Variants in SGCD observed in about 807,000 individuals in gnomAD.
The protein encoded by SGCD is delta-sarcoglycan.
SGCD carries 18 observed loss-of-function variants against 36.6 expected under a neutral mutation model. That is an observed-to-expected ratio of 0.49 (90% CI 0.34 to 0.73). SGCD has a LOEUF of 0.73. Ranked by LOEUF, SGCD falls within the 30% of genes least tolerant of loss-of-function variation. SGCD has a pLI of 0.01. For synonymous variants in SGCD, 133 were observed against 130.6 expected, an observed-to-expected ratio of 1.02 and a Z score of -0.12; for missense variants, 387 against 346.7, an observed-to-expected ratio of 1.12 and a Z score of -0.92.
intron 3 of SGCD, among the ~76,000 whole-genome samples, chr5:156,291,885 C>CT (rs1766766476): frequency 6.6e-6 from 1 of 152,086 alleles, no homozygotes; most frequent in African/African-American, 2.4e-5. Context: ...CTTGAAATCT[C>CT]TTAGAAATTT....
chr5:156,401,706 C>T (rs183005392), intron 3 of SGCD, among the ~76,000 whole-genome samples: 1 of 152,272 alleles, frequency 6.6e-6, no homozygotes, highest in East Asian at 1.9e-4. Flanking sequence ...ATAGCCCCTA[C>T]AGTCTAGTGA....
intron 1 of SGCD, among the ~76,000 whole-genome samples, chr5:156,095,008 A>C (rs1354309628): frequency 6.6e-6 from 1 of 152,006 alleles, no homozygotes; most frequent in Non-Finnish European, 1.5e-5. Context: ...AAAAAGAAAG[A>C]AAGCAGTCCT....
intron 3 of SGCD, among the ~76,000 whole-genome samples, chr5:156,367,753 T>C (rs558545553): frequency 5.9e-5 from 9 of 152,314 alleles, no homozygotes; most frequent in African/African-American, 1.7e-4. Flanking sequence ...CAGCTGTGGC[T>C]CAGCCTCGCT....
intron 1 of SGCD, among the ~76,000 whole-genome samples, chr5:155,905,731 G>C (rs1389257433): frequency 1.3e-5 from 2 of 152,064 alleles, no homozygotes; most frequent in African/African-American, 4.8e-5. Context: ...TTATTCTCGT[G>C]ATAGTTAATA....
rs182432511 is a variant in SGCD at position 156,442,476 on chromosome 5, T to C, written c.193-66125T>C. Among the ~76,000 whole-genome samples, 91 of 152,326 alleles carry C rather than the reference T, an allele frequency of 6.0e-4. No individual in the cohort carries two copies. The Middle Eastern group carries it at 0.01, about 17-fold the overall frequency. ...TTGGTGGTTGTTAAATTATTTCATT[T>C]TTAAAAAGACAATGCATATATACTG... On this transcript the variant is annotated intron_variant, in intron 3 of 8. Transcript: ENST00000337851.
At chr5:155,854,221 T>G in the SGCD span, among the ~76,000 whole-genome samples, 1 of 152,074 alleles carries the variant, frequency 6.6e-6, no homozygotes, top group African/African-American at 2.4e-5. Flanking sequence ...GCATCTCTGG[T>G]TTTTACTCAC....
rs981525380 is a variant in SGCD, at chr5:155,950,933, C to T, written c.-282+80509C>T. ...GTTTTAAAAGCATGTTTTGTTGACC[C>T]TTTTAGGAATTGCATGTGAGCTGGG... On this transcript the variant is annotated intron_variant, in intron 1 of 9. Transcript: ENST00000517913. Among the ~76,000 whole-genome samples the T allele has an allele frequency of 3.3e-5, 5 of 152,072 alleles. No individual in the cohort carries two copies. The East Asian group carries it at 9.7e-4, about 29-fold the overall frequency.
At chr5:156,455,312 T>C (rs188676382) in intron 3 of SGCD, among the ~76,000 whole-genome samples, 250 of 152,266 alleles carry the variant, frequency 1.6e-3, no homozygotes, top group Non-Finnish European at 2.5e-4. Context: ...GCTACTTGTG[T>C]TCCTACTCAT....
intron 3 of SGCD, among the ~76,000 whole-genome samples, chr5:156,375,250 G>A (rs970475): frequency 0.52 from 78,342 of 151,954 alleles, 20,791 homozygotes; most frequent in East Asian, 0.85. Flanking sequence ...ACTTCAATGT[G>A]TATTTCCTAA....
At chr5:156,205,700 T>TA (rs892810190) in intron 3 of SGCD, among the ~76,000 whole-genome samples, 52 of 152,206 alleles carry the variant, frequency 3.4e-4, no homozygotes, top group African/African-American at 1.1e-3. Context: ...TACTTCTACC[T>TA]AAATGAAATA....
At chr5:156,146,075 T>C (rs1408621200) in intron 3 of SGCD, among the ~76,000 whole-genome samples, 1 of 151,858 alleles carries the variant, frequency 6.6e-6, no homozygotes, top group African/African-American at 2.4e-5. Flanking sequence ...TAGCTGGGCG[T>C]AGTTGTGGGC....
intron 5 of SGCD, among the ~76,000 whole-genome samples, chr5:156,591,751 C>A (rs1385848699): frequency 6.6e-6 from 1 of 152,132 alleles, no homozygotes; most frequent in African/African-American, 2.4e-5. Flanking sequence ...CAGAGAGGAA[C>A]AATGAGTTCA....
intron 4 of SGCD, among the ~76,000 whole-genome samples, chr5:156,535,544 G>T (rs1758070214): frequency 6.6e-6 from 1 of 152,164 alleles, no homozygotes; most frequent in Admixed American, 6.6e-5. Flanking sequence ...CCCATTTCAA[G>T]GCCAAAGGAA....
At chr5:156,091,790 A>C (rs1479157819) in intron 1 of SGCD, among the ~76,000 whole-genome samples, 1 of 152,174 alleles carries the variant, frequency 6.6e-6, no homozygotes, top group Admixed American at 6.5e-5. Context: ...TGTTCCAGCA[A>C]AGTCAATACC....
At chr5:156,639,308 C>G (rs2113558111) in intron 6 of SGCD, among the ~76,000 whole-genome samples, 1 of 152,260 alleles carries the variant, frequency 6.6e-6, no homozygotes, top group East Asian at 1.9e-4. Context: ...TATCATATTC[C>G]TCTTCACAGT....
At position 156,364,157 on chromosome 5, in the gene SGCD, G is replaced by A. The variant is rs543799210; in HGVS notation, c.192+19480G>A. 5.3e-5 allele frequency among the ~76,000 whole-genome samples: 8 copies of A among 151,476 alleles called. No homozygotes were observed. The East Asian group carries it at 1.6e-3, about 29-fold the overall frequency. ...TATCTCTCAGAACTGAATCTACTGA[G>A]TTATGCTGGGATTATGACAGCAGAA... On this transcript the variant is annotated intron_variant, in intron 3 of 8. Transcript: ENST00000337851.
intron 7 of SGCD, among the ~76,000 whole-genome samples, chr5:156,675,568 G>A (rs2113669195): frequency 6.6e-6 from 1 of 152,284 alleles, no homozygotes; most frequent in Non-Finnish European, 1.5e-5. Context: ...AAAGGTATTT[G>A]CCTTTATATG....
intron 7 of SGCD, among the ~76,000 whole-genome samples, chr5:156,713,142 A>G (rs1755067624): frequency 6.6e-6 from 1 of 151,984 alleles, no homozygotes; most frequent in Non-Finnish European, 1.5e-5. Context: ...GTGAGGAGAT[A>G]CTCCCCAAAA....
chr5:156,279,692 G>A (rs912421363), intron 3 of SGCD, among the ~76,000 whole-genome samples: 7 of 152,032 alleles, frequency 4.6e-5, no homozygotes, highest in African/African-American at 1.4e-4. Context: ...CTTTTTTTGT[G>A]TGTGAGCAAG....
Sources: gnomAD v4.1 joint callset for allele counts (sites outside exome capture counted in the v4.1 genomes callset) on GRCh38, gnomAD v4.1.1 for gene constraint, MANE v1.5 for transcripts, NCBI Gene and HGNC (gene_info 2026-07-23, HGNC 2026-07-21) for gene names.